CHRNA6: variants seen among roughly 807,000 people sequenced by gnomAD.
CHRNA6 encodes the protein neuronal acetylcholine receptor subunit alpha-6.
CHRNA6 carries 31 observed loss-of-function variants against 40.9 expected under a neutral mutation model. The ratio of observed to expected loss-of-function variants is 0.76; its 90% CI spans 0.57 to 1.02. The LOEUF (loss-of-function observed/expected upper bound fraction) is 1.02, where lower values mean the gene tolerates loss of function less well. Among genes scored for constraint, CHRNA6 ranks in the 50% least tolerant of loss-of-function variants. The probability of loss-of-function intolerance (pLI) is 0.00; values close to 1 mark genes in which losing one functional copy is unlikely to be tolerated. For missense variants in CHRNA6, 546 were observed against 596.6 expected (o/e 0.92, Z 0.88); for synonymous variants, 222 against 221.3 (o/e 1.00, Z -0.03).
chr8:42,759,551 C>T (rs1816864752), intron 2 of CHRNA6: 1 of 159,430 alleles, frequency 6.3e-6, no homozygotes, highest in African/African-American at 2.4e-5. Flanking sequence ...TGCCTCAGGG[C>T]TCTCTGGGCT....
At chr8:42,758,463 G>C (rs1296513015) in intron 3 of CHRNA6, among the ~76,000 whole-genome samples, 1 of 151,742 alleles carries the variant, frequency 6.6e-6, no homozygotes, top group Non-Finnish European at 1.5e-5. Flanking sequence ...TGGTTCAAGC[G>C]ATTCTCCTGC....
rs202030381 is a variant in CHRNA6 at position 42,755,930 on chromosome 8, C to T, written c.1269G>A (p.Ser423=). 1.4e-5 allele frequency: 23 copies of T among 1,614,104 alleles called. No homozygotes were observed. The highest frequency in any genetic ancestry group is 2.2e-5 in the East Asian group (1 of 44,906). The change falls in exon 5 of 6, where the codon TCG becomes TCA. Residue 423 remains serine (S), a synonymous_variant. Coordinates refer to ENST00000276410, the MANE Select transcript of CHRNA6 (RefSeq NM_004198.3). ...CATCTTCAACTTCAGGCGAGTGCTC[C>T]GAATTTTCCACCACCCACTGTAATG... is the stretch of plus-strand genomic sequence containing the variant. ...HQPLQWVVEN[S]EHSPEVEDVI...
In CHRNA6 at chr8:42,765,164, T is replaced by A. The variant is rs1485439517; in HGVS notation, c.120A>T (p.Lys40Asn). ...GCATEERLFH[K>N]LFSHYNQFIR... ...TGAACTGGTTGTAATGAGAAAACAG[T>A]TTGTGGAAGAGCCTCTCCTCAGTTG... Residue 40 changes from lysine to asparagine, a missense_variant, in exon 2 of 6, where the codon AAA becomes AAT. Lys to Asn is a moderately conservative substitution (Grantham distance 94). Transcript: ENST00000276410. The A allele has an allele frequency of 6.2e-7, 1 of 1,613,972 alleles. No homozygotes were observed. Among genetic ancestry groups the A allele is most frequent in the African/African-American group, 1.3e-5 (1 of 74,996 alleles).
chr8:42,753,626 A>G lies in CHRNA6; in HGVS notation c.1354-316T>C, dbSNP rs181396306. Among the ~76,000 whole-genome samples, 238 of 152,316 alleles carry G rather than the reference A, an allele frequency of 1.6e-3. 4 individuals are homozygous for G. Among genetic ancestry groups the G allele is most frequent in the African/African-American group, 3.4e-3 (141 of 41,574 alleles). ...GAGGTGGAGGTTGCAGTGAGCCACGATCACACCACTGCACTCCAGCCTGGG... is the reference window on the plus strand; with the variant it reads ...GAGGTGGAGGTTGCAGTGAGCCACGGTCACACCACTGCACTCCAGCCTGGG... On this transcript the variant is annotated intron_variant, in intron 5 of 5. Coordinates refer to ENST00000276410, the MANE Select transcript of CHRNA6 (RefSeq NM_004198.3).
At chr8:42,765,741 TA>T (rs2128912663) in intron 1 of CHRNA6, among the ~76,000 whole-genome samples, 1 of 152,298 alleles carries the variant, frequency 6.6e-6, no homozygotes, top group East Asian at 1.9e-4. Flanking sequence ...CATGTTCTTT[TA>T]AAAAATCAAC....
intron 2 of CHRNA6, among the ~76,000 whole-genome samples, chr8:42,759,662 C>A (rs946386280): frequency 6.6e-6 from 1 of 152,086 alleles, no homozygotes; most frequent in South Asian, 2.1e-4. Context: ...TTCTGGGAGG[C>A]CGAGGCGGGT....
In CHRNA6 at chr8:42,756,778, TAAG is replaced by T. The variant is rs1452448939; in HGVS notation, c.418_420del (p.Leu140del). The stretch of plus-strand genomic sequence containing the variant: ...GTCCAGGTTATCATGCCATTGTATT[TAAG>T]AAGAGCTTTTGTTTTGCCTTCTACT... On this transcript the variant is annotated inframe_deletion, in exon 5 of 6. Coordinates refer to ENST00000276410, the MANE Select transcript of CHRNA6 (RefSeq NM_004198.3). 6.2e-7 allele frequency: 1 copy of T among 1,609,310 alleles called. No homozygotes were observed. The highest frequency in any genetic ancestry group is 2.2e-5 in the East Asian group (1 of 44,874).
At chr8:42,760,196 G>GAC (rs141564464) in intron 2 of CHRNA6, among the ~76,000 whole-genome samples, 3 of 151,768 alleles carry the variant, frequency 2.0e-5, no homozygotes, top group Non-Finnish European at 2.9e-5. Flanking sequence ...TCCATGTGTG[G>GAC]ACACACACAC....
rs1816759899 is a variant in CHRNA6 at position 42,754,167 on chromosome 8, A to G, written c.1354-857T>C. Among the ~76,000 whole-genome samples the G allele has an allele frequency of 2.6e-5, 4 of 152,078 alleles. No homozygotes were observed. The South Asian group carries it at 8.3e-4, about 32-fold the overall frequency. On this transcript the variant is annotated intron_variant, in intron 5 of 5. Coordinates refer to ENST00000276410, the MANE Select transcript of CHRNA6 (RefSeq NM_004198.3). Reference sequence around the variant, plus strand: ...AACTGGTAGTGATTAAGTCAACAGCAGCTGTTTCTTCGATTAAAAAAAAAA... The same window carrying G: ...AACTGGTAGTGATTAAGTCAACAGCGGCTGTTTCTTCGATTAAAAAAAAAA...
Position 42,753,092 on chromosome 8 carries a change from G to A in CHRNA6, c.*87C>T. On this transcript the variant is annotated 3_prime_UTR_variant, in exon 6 of 6. Coordinates refer to ENST00000276410, the MANE Select transcript of CHRNA6 (RefSeq NM_004198.3). ...TTTTAGCAGATGGGGGACTTGGGTG[G>A]GAAGCCTTTGCTTTCCTTTCCTTGT... 7.7e-7 allele frequency: 1 copy of A among 1,300,912 alleles called. No homozygotes were observed. The highest frequency in any genetic ancestry group is 1.4e-5 in the South Asian group (1 of 70,012). 80.6% of individuals were successfully genotyped at this position (1,300,912 alleles called of 1,614,324 possible).
In CHRNA6 at chr8:42,756,977, G is replaced by A. The variant is rs748108347; in HGVS notation, c.325C>T (p.Arg109Cys). ...PMEYDGIETLRVPADKIWKPD... is the reference protein window; with the variant it reads ...PMEYDGIETLCVPADKIWKPD... Reference sequence around the variant, plus strand: ...TTCCAAATCTTATCTGCAGGAACGCGAAGAGTCTCAATGCCATCATATTCC... The same window carrying A: ...TTCCAAATCTTATCTGCAGGAACGCAAAGAGTCTCAATGCCATCATATTCC... Residue 109 changes from arginine to cysteine, a missense_variant, in exon 4 of 6, where the codon CGC (arginine) becomes TGC (cysteine). By Grantham distance (180) the Arg-to-Cys change is radical. This residue lies in a region of CHRNA6 where 476 missense variants were observed against 494.5 expected (regional missense o/e 0.96). Coordinates refer to ENST00000276410, the MANE Select transcript of CHRNA6 (RefSeq NM_004198.3). 1.2e-5 allele frequency: 20 copies of A among 1,613,850 alleles called. No homozygotes were observed. The highest frequency in any genetic ancestry group is 1.1e-4 in the East Asian group (5 of 44,896).
At chr8:42,762,564 G>A (rs888289454) in intron 2 of CHRNA6, among the ~76,000 whole-genome samples, 1 of 152,152 alleles carries the variant, frequency 6.6e-6, no homozygotes, top group Non-Finnish European at 1.5e-5. Flanking sequence ...GAGTAGAATC[G>A]CTTGAGCCCG....
chr8:42,753,203 T>C lies in CHRNA6; in HGVS notation c.1461A>G (p.Leu487=), dbSNP rs758076325. The stretch of plus-strand genomic sequence containing the variant: ...TTTAAGATTTTCCTGTGTTCCCAAG[T>C]AGTGGCTGTAGAAATAGCCCTGCAG... ...FGTAGLFLQP[L]LGNTGKS is the part of the protein sequence containing the mutation. The change falls in exon 6 of 6, where the codon CTA becomes CTG. Residue 487 remains leucine, a synonymous_variant. Coordinates refer to ENST00000276410, the MANE Select transcript of CHRNA6 (RefSeq NM_004198.3). The C allele has an allele frequency of 6.2e-7, 1 of 1,604,986 alleles. No homozygotes were observed.
chr8:42,765,613 T>C (rs1816965885), intron 1 of CHRNA6, among the ~76,000 whole-genome samples: 1 of 152,204 alleles, frequency 6.6e-6, no homozygotes, highest in Non-Finnish European at 1.5e-5. Flanking sequence ...TCCTGTCCTT[T>C]CTTGTCTAAA....
intron 5 of CHRNA6, 105 bp from the exon 6 acceptor site, chr8:42,753,415 G>A (rs575870220): frequency 3.2e-5 from 37 of 1,147,510 alleles, no homozygotes; most frequent in Middle Eastern, 2.6e-4. Context: ...AGATTTCTCC[G>A]GCACGTTTTA....
chr8:42,754,920 G>A (rs984060672), intron 5 of CHRNA6, among the ~76,000 whole-genome samples: 2 of 152,042 alleles, frequency 1.3e-5, no homozygotes, highest in African/African-American at 2.4e-5. Context: ...ATGCACTCTC[G>A]CCCTCTCCCA....
chr8:42,767,927 C>T (rs565205799), intron 1 of CHRNA6, among the ~76,000 whole-genome samples: 7 of 152,282 alleles, frequency 4.6e-5, no homozygotes, highest in Admixed American at 1.3e-4. Context: ...AGCATAATCA[C>T]GTGATGTTTC....
rs1310032653 is a variant in CHRNA6, at chr8:42,756,235, C to T, written c.964G>A (p.Val322Met). 2 of 1,614,230 alleles carry T rather than the reference C, an allele frequency of 1.2e-6. No homozygotes were observed. Among genetic ancestry groups the T allele is most frequent in the Admixed American group, 3.3e-5 (2 of 60,020 alleles). Residue 322 changes from valine (V) to methionine (M), a missense_variant, in exon 5 of 6, where the codon GTG becomes ATG. Val to Met is a conservative substitution (Grantham distance 21, BLOSUM62 1). This residue lies in a region of CHRNA6 where 476 missense variants were observed against 494.5 expected (regional missense o/e 0.96). Transcript: ENST00000276410. ...IFVTLSIVVT[V>M]FVLNIHYRTP... ...CGGTAGTGTATGTTCAACACAAACA[C>T]AGTCACCACGATGGACAGTGTGACA...
intron 2 of CHRNA6, among the ~76,000 whole-genome samples, chr8:42,764,561 A>G (rs1816946602): frequency 6.6e-6 from 1 of 152,198 alleles, no homozygotes; most frequent in South Asian, 2.1e-4. Context: ...TCTTGAGCTC[A>G]AGGGATCCGC....
Sources: allele counts gnomAD v4.1 joint callset (sites outside exome capture counted in the v4.1 genomes callset), GRCh38; gene constraint gnomAD v4.1.1; regional missense constraint gnomAD v4.1.1; transcripts MANE v1.5; gene names NCBI Gene and HGNC (gene_info 2026-07-23, HGNC 2026-07-21).